ANKS1B: variants seen among roughly 807,000 people sequenced by gnomAD.
The protein encoded by ANKS1B is ankyrin repeat and sterile alpha motif domain containing 1B, also known as ankyrin repeat and sterile alpha motif domain-containing protein 1B.
Under a neutral mutation model 148.3 loss-of-function variants are expected in ANKS1B, and 36 were observed. The observed-to-expected ratio is 0.24, with a 90% CI of 0.19 to 0.32. The LOEUF is 0.32. Ranked by LOEUF, ANKS1B falls within the 10% of genes least tolerant of loss-of-function variation. ANKS1B has a pLI of 1.00. For synonymous variants in ANKS1B, 542 were observed against 560.8 expected (o/e 0.97, Z 0.47); for missense variants, 1,157 against 1,542.6 (o/e 0.75, Z 4.19).
intron 17 of ANKS1B, among the ~76,000 whole-genome samples, chr12:98,935,010 T>C (rs1256827380): frequency 6.6e-6 from 1 of 152,172 alleles, no homozygotes; most frequent in Non-Finnish European, 1.5e-5. Flanking sequence ...CCCAGTATTA[T>C]GTTGAATAGA....
chr12:98,831,096 C>T (rs2099311045), intron 18 of ANKS1B: 1 of 151,586 alleles, frequency 6.6e-6, no homozygotes, highest in Non-Finnish European at 1.5e-5. Context: ...TACAGGCGCC[C>T]ACCACCATGC....
At chr12:99,622,177 TC>T (rs2098061012) in intron 9 of ANKS1B, among the ~76,000 whole-genome samples, 2 of 151,776 alleles carry the variant, frequency 1.3e-5, no homozygotes, top group African/African-American at 4.8e-5. Context: ...AAAGCAGAAA[TC>T]AAAAAATTTT....
intron 10 of ANKS1B, among the ~76,000 whole-genome samples, chr12:99,453,584 C>G (rs988501458): frequency 1.2e-4 from 19 of 152,222 alleles, no homozygotes; most frequent in African/African-American, 3.6e-4. Context: ...GACTGCAGTT[C>G]TAGCCAACAG....
At chr12:99,901,029 T>C (rs993118090) in intron 1 of ANKS1B, among the ~76,000 whole-genome samples, 27 of 152,178 alleles carry the variant, frequency 1.8e-4, no homozygotes, top group African/African-American at 6.3e-4. Context: ...GTCTTTGAGC[T>C]GATAAGCTGA....
At chr12:98,792,328 CATA>C (rs762808510) in intron 22 of ANKS1B, among the ~76,000 whole-genome samples, 2 of 152,108 alleles carry the variant, frequency 1.3e-5, no homozygotes, top group South Asian at 2.1e-4. Flanking sequence ...TCAATTGACA[CATA>C]ATAACTGTAC....
At chr12:99,622,830 A>C (rs995084268) in intron 9 of ANKS1B, among the ~76,000 whole-genome samples, 2 of 152,008 alleles carry the variant, frequency 1.3e-5, no homozygotes, top group African/African-American at 4.8e-5. Flanking sequence ...AGGAAGAGCC[A>C]GTACCAATTC....
intron 15 of ANKS1B, among the ~76,000 whole-genome samples, chr12:99,140,503 G>T (rs2070293356): frequency 6.6e-6 from 1 of 152,114 alleles, no homozygotes; most frequent in African/African-American, 2.4e-5. Context: ...AACATTGTTT[G>T]CCAGCTAAAT....
chr12:98,935,231 A>T (rs1316125141), intron 17 of ANKS1B, among the ~76,000 whole-genome samples: 2 of 152,198 alleles, frequency 1.3e-5, no homozygotes, highest in Non-Finnish European at 2.9e-5. Context: ...GCATCTATTG[A>T]GATGATCATA....
At chr12:99,410,832 C>T (rs189577314) in intron 11 of ANKS1B, among the ~76,000 whole-genome samples, 83 of 152,204 alleles carry the variant, frequency 5.5e-4, no homozygotes, top group Middle Eastern at 3.4e-3. Context: ...TTTTCTTTTT[C>T]CCATGTTCTC....
chr12:98,860,402 A>C (rs559510341), intron 17 of ANKS1B, among the ~76,000 whole-genome samples: 1 of 152,360 alleles, frequency 6.6e-6, no homozygotes, highest in East Asian at 1.9e-4. Context: ...AGACACAAGC[A>C]GGCCTTGTGC....
In ANKS1B at chr12:99,579,874, G is replaced by T. The variant is rs575302724; in HGVS notation, c.1272+75193C>A. 3.6e-4 allele frequency among the ~76,000 whole-genome samples: 55 copies of T among 151,598 alleles called. No homozygotes were observed. The South Asian group carries it at 8.3e-3, about 23-fold the overall frequency. The stretch of plus-strand genomic sequence containing the variant: ...ATATATACTGAAAGGAAAATAAATC[G>T]TTCCACCAAAAAAAAATGTACACTC... On this transcript the variant is annotated intron_variant, in intron 9 of 26. Transcript: ENST00000683438.
exon 10 of ANKS1B, chr12:98,735,282 A>AT (rs879925687): frequency 1.1e-4 from 42 of 396,688 alleles, no homozygotes; most frequent in Non-Finnish European, 1.5e-4. Context: ...CATATATATA[A>AT]TTTTTTTTTA....
intron 12 of ANKS1B, among the ~76,000 whole-genome samples, chr12:99,291,764 A>G (rs2080031112): frequency 6.6e-6 from 1 of 152,188 alleles, no homozygotes; most frequent in Non-Finnish European, 1.5e-5. Context: ...ACTATACTAC[A>G]AGGCTACAGT....
chr12:99,772,685 T>C (rs756357004), intron 8 of ANKS1B: 1 of 327,914 alleles, frequency 3.0e-6, no homozygotes, highest in Admixed American at 4.9e-5. Context: ...CAAAAATCCA[T>C]GTTTTTAAGA....
intron 1 of ANKS1B, among the ~76,000 whole-genome samples, chr12:99,843,258 T>C (rs1209228247): frequency 6.6e-6 from 1 of 152,170 alleles, no homozygotes; most frequent in Admixed American, 6.6e-5. Flanking sequence ...CTTCTATATT[T>C]ACAGCTCTAT....
At chr12:99,913,731 G>A (rs1278829655) in intron 1 of ANKS1B, among the ~76,000 whole-genome samples, 1 of 151,796 alleles carries the variant, frequency 6.6e-6, no homozygotes, top group Non-Finnish European at 1.5e-5. Flanking sequence ...TATATTTGGG[G>A]GAGTTGGAAA....
At chr12:99,051,064 T>C (rs1024946910) in intron 17 of ANKS1B, among the ~76,000 whole-genome samples, 5 of 152,114 alleles carry the variant, frequency 3.3e-5, no homozygotes, top group African/African-American at 1.2e-4. Flanking sequence ...GATCAGTCCC[T>C]AAGCCCCGGC....
At chr12:98,863,455 C>G (rs888961054) in intron 17 of ANKS1B, among the ~76,000 whole-genome samples, 1 of 152,226 alleles carries the variant, frequency 6.6e-6, no homozygotes, top group African/African-American at 2.4e-5. Flanking sequence ...GGCTTCTGTG[C>G]TGTGTGCCTG....
intron 8 of ANKS1B, among the ~76,000 whole-genome samples, chr12:99,759,405 T>C (rs750579448): frequency 3.3e-5 from 5 of 152,008 alleles, no homozygotes; most frequent in Non-Finnish European, 5.9e-5. Context: ...AATTCCAATA[T>C]TCTTTAGTTG....
Sources: allele counts gnomAD v4.1 joint callset (sites outside exome capture counted in the v4.1 genomes callset), GRCh38; gene constraint gnomAD v4.1.1; transcripts MANE v1.5; gene names NCBI Gene and HGNC (gene_info 2026-07-23, HGNC 2026-07-21).